SRP54: variants seen among roughly 807,000 people sequenced by gnomAD.
SRP54 encodes signal recognition particle 54.
SRP54 carries 10 observed loss-of-function variants against 64.8 expected under a neutral mutation model. That is an observed-to-expected ratio of 0.15 (90% CI 0.10 to 0.26). SRP54 has a LOEUF of 0.26. Among genes scored for constraint, SRP54 ranks in the 10% least tolerant of loss-of-function variants. The pLI is 1.00. For synonymous variants in SRP54, 193 were observed against 185.6 expected (o/e 1.04, Z -0.32); for missense variants, 325 against 613.7 (o/e 0.53, Z 4.97).
At chr14:35,027,222 G>A (rs2139032278) in intron 14 of SRP54, among the ~76,000 whole-genome samples, 1 of 151,896 alleles carries the variant, frequency 6.6e-6, no homozygotes, top group East Asian at 2.0e-4. Context: ...TGGAGACGGG[G>A]TTTCACCACG....
Position 35,014,843 on chromosome 14 carries a change from C to A in SRP54, c.973+13C>A. The A allele has an allele frequency of 6.4e-7, 1 of 1,568,420 alleles. No homozygotes were observed. The highest frequency in any genetic ancestry group is 8.7e-7 in the Non-Finnish European group (1 of 1,153,386). On this transcript the variant is annotated intron_variant, in intron 11 of 15. Coordinates refer to ENST00000216774, the MANE Select transcript of SRP54 (RefSeq NM_003136.4). ...AAGTTGAAACATGGTATATGAGTGACAAAAAAGCACTTCATCTCAGATTTC... is the reference window on the plus strand; with the variant it reads ...AAGTTGAAACATGGTATATGAGTGAAAAAAAAGCACTTCATCTCAGATTTC...
intron 14 of SRP54, among the ~76,000 whole-genome samples, chr14:35,025,495 A>T (rs1399278827): frequency 2.0e-5 from 3 of 152,120 alleles, no homozygotes; most frequent in Admixed American, 1.3e-4. Flanking sequence ...TGTCTTTCCC[A>T]TGTAGTCCTG....
chr14:34,996,578 T>C, intron 1 of SRP54, 99 bp from the exon 2 acceptor site: 1 of 676,858 alleles, frequency 1.5e-6, no homozygotes, highest in Non-Finnish European at 2.7e-6. Context: ...TCTTACAGTA[T>C]CTAAACACTA....
At chr14:34,999,062 T>C (rs1440864815) in intron 2 of SRP54, among the ~76,000 whole-genome samples, 2 of 136,140 alleles carry the variant, frequency 1.5e-5, no homozygotes, top group Non-Finnish European at 3.1e-5. Context: ...TCACCCAGGC[T>C]GGAGTGCAGT....
chr14:35,006,543 A>G (rs534293580), intron 4 of SRP54, among the ~76,000 whole-genome samples: 1 of 152,262 alleles, frequency 6.6e-6, no homozygotes, highest in Non-Finnish European at 1.5e-5. Flanking sequence ...GAAAATGATA[A>G]TTTTTTAGAT....
At chr14:34,986,793 C>T (rs1417553113) in intron 1 of SRP54, among the ~76,000 whole-genome samples, 3 of 151,682 alleles carry the variant, frequency 2.0e-5, no homozygotes, top group Non-Finnish European at 2.9e-5. Context: ...GCAGGAGAAT[C>T]GCTTGAACTC....
intron 7 of SRP54, among the ~76,000 whole-genome samples, chr14:35,010,722 A>G (rs528741680): frequency 1.5e-4 from 23 of 152,164 alleles, no homozygotes; most frequent in Middle Eastern, 3.4e-3. Context: ...CCGAGATCGC[A>G]CCACTGCACT....
At chr14:35,014,290 T>TTTTTTTTTTTTTTTTG (rs376712278) in intron 10 of SRP54, among the ~76,000 whole-genome samples, 11 of 127,274 alleles carry the variant, frequency 8.6e-5, no homozygotes, top group East Asian at 5.4e-4. Context: ...TTTTTTTTTT[T>TTTTTTTTTTTTTTTTG]TTTTGAGACG....
intron 4 of SRP54, among the ~76,000 whole-genome samples, chr14:35,002,590 G>A (rs190851597): frequency 8.6e-5 from 13 of 151,586 alleles, no homozygotes; most frequent in East Asian, 5.9e-4. Flanking sequence ...GTGCCACCAC[G>A]CCCAGCTAAT....
intron 1 of SRP54, among the ~76,000 whole-genome samples, chr14:34,989,967 C>G (rs552507444): frequency 6.6e-6 from 1 of 152,266 alleles, no homozygotes; most frequent in African/African-American, 2.4e-5. Context: ...AGTAACACAG[C>G]CAGTATGTAA....
intron 1 of SRP54, among the ~76,000 whole-genome samples, chr14:34,985,135 A>G (rs1175174600): frequency 6.6e-6 from 1 of 152,196 alleles, no homozygotes; most frequent in Non-Finnish European, 1.5e-5. Flanking sequence ...GTTCGAGACC[A>G]GCTTGGGTAA....
chr14:35,012,784 TTTA>T (rs1241658753), intron 8 of SRP54, among the ~76,000 whole-genome samples: 1 of 152,152 alleles, frequency 6.6e-6, no homozygotes, highest in African/African-American at 2.4e-5. Flanking sequence ...TGTTTATCTA[TTTA>T]TTATATATGT....
Position 34,997,983 on chromosome 14 carries a change from T to C in SRP54, c.78+1196T>C, listed in dbSNP as rs2044096685. ...CAGGGGAGGAGTTCTTGGTGGGAGG[T>C]AGAGTAACAGCTGTTGCTTAAATTG... is the stretch of plus-strand genomic sequence containing the variant. On this transcript the variant is annotated intron_variant, in intron 2 of 15. Transcript: ENST00000216774. Among the ~76,000 whole-genome samples the C allele has an allele frequency of 4.6e-5, 7 of 152,136 alleles. No homozygotes were observed. In the South Asian group the frequency reaches 1.0e-3, roughly 23 times the overall value.
At chr14:35,003,266 A>G (rs2044205600) in intron 4 of SRP54, among the ~76,000 whole-genome samples, 1 of 152,168 alleles carries the variant, frequency 6.6e-6, no homozygotes, top group Non-Finnish European at 1.5e-5. Flanking sequence ...CTAAGACATT[A>G]TTTGACTTTT....
chr14:35,003,611 C>T (rs1440292989), intron 4 of SRP54, among the ~76,000 whole-genome samples: 1 of 148,994 alleles, frequency 6.7e-6, no homozygotes, highest in Non-Finnish European at 1.5e-5. Flanking sequence ...CTCTGTTGCC[C>T]AGGCTGGAGT....
Position 34,987,290 on chromosome 14 carries a change from C to T in SRP54, c.-34+4075C>T, listed in dbSNP as rs1248228795. Among the ~76,000 whole-genome samples, 13 of 115,592 alleles carry T rather than the reference C, an allele frequency of 1.1e-4. No individual in the cohort carries two copies. In the East Asian group the frequency reaches 1.2e-3, roughly 11 times the overall value. 75.8% of individuals were successfully genotyped at this position (115,592 alleles called of 152,430 possible). ...GTGTGTGTGTGTATATATATATACA[C>T]ACACACACACACATAATTCTTAGTT... is the stretch of plus-strand genomic sequence containing the variant. On this transcript the variant is annotated intron_variant, in intron 1 of 15. Coordinates refer to ENST00000216774, the MANE Select transcript of SRP54 (RefSeq NM_003136.4).
chr14:34,987,695 G>A (rs2043921031), intron 1 of SRP54, among the ~76,000 whole-genome samples: 1 of 151,912 alleles, frequency 6.6e-6, no homozygotes, highest in South Asian at 2.1e-4. Flanking sequence ...AGGATATTTG[G>A]GTTGTTTCTA....
intron 15 of SRP54, 21 bp downstream of exon 15, chr14:35,028,204 A>C (rs759931511): frequency 2.4e-5 from 35 of 1,484,106 alleles, no homozygotes; most frequent in Non-Finnish European, 4.7e-6. Flanking sequence ...AGTTGTTGGC[A>C]GTTGCTAATG....
At chr14:34,998,706 G>A (rs1309436924) in intron 2 of SRP54, among the ~76,000 whole-genome samples, 1 of 151,716 alleles carries the variant, frequency 6.6e-6, no homozygotes, top group Non-Finnish European at 1.5e-5. Context: ...CCAGCTACTA[G>A]GGAGGCTGAG....
Sources: gnomAD v4.1 joint callset for allele counts (sites outside exome capture counted in the v4.1 genomes callset) on GRCh38, gnomAD v4.1.1 for gene constraint, MANE v1.5 for transcripts, NCBI Gene and HGNC (gene_info 2026-07-23, HGNC 2026-07-21) for gene names.